The following PRSS23 variants were observed in gnomAD, a reference collection of about 807,000 sequenced individuals.
PRSS23 encodes protease, serine 23.
In PRSS23, 25 loss-of-function variants were observed where a neutral mutation model predicts 34.7. That is an observed-to-expected ratio of 0.72 (90% CI 0.53 to 1.01). The LOEUF is 1.01. Among genes scored for constraint, PRSS23 ranks in the 50% least tolerant of loss-of-function variants. The pLI is 0.00. For synonymous variants in PRSS23, 176 were observed against 186.6 expected, an observed-to-expected ratio of 0.94 and a Z score of 0.46; for missense variants, 445 against 475.6, an observed-to-expected ratio of 0.94 and a Z score of 0.60.
At chr11:86,799,282 T>A (rs1459951942), upstream of PRSS23, among the ~76,000 whole-genome samples, 1 of 152,196 alleles carries the variant, frequency 6.6e-6, no homozygotes, top group Non-Finnish European at 1.5e-5. Flanking sequence ...CAATAATGTG[T>A]TCAGGGCTTT....
intron 2 of PRSS23, among the ~76,000 whole-genome samples, chr11:86,860,913 C>T (rs1450339542): frequency 6.6e-6 from 1 of 151,044 alleles, no homozygotes; most frequent in Admixed American, 6.6e-5. Context: ...TGATATTGTT[C>T]TTAATATCCG....
At chr11:86,913,238 T>G (rs979879163) in intron 2 of PRSS23, among the ~76,000 whole-genome samples, 1 of 147,790 alleles carries the variant, frequency 6.8e-6, no homozygotes, top group African/African-American at 2.5e-5. Context: ...GCATTTTAGC[T>G]GCCCTGCTTA....
chr11:86,808,763 A>G lies in PRSS23; in HGVS notation c.1120A>G (p.Lys374Glu). Reference sequence around the variant, plus strand: ...ATATGCCCAGATTTGCTATTGGATTAAAGGAAACTACCTGGATTGTAGGGA... The same window carrying G: ...ATATGCCCAGATTTGCTATTGGATTGAAGGAAACTACCTGGATTGTAGGGA... ...LKYAQICYWIKGNYLDCREG is the reference protein window; with the variant it reads ...LKYAQICYWIEGNYLDCREG Residue 374 changes from lysine (K) to glutamate (E), a missense_variant, in exon 2 of 2, where the codon AAA becomes GAA. Lys to Glu is a moderately conservative substitution (Grantham distance 56, BLOSUM62 1). Transcript: ENST00000280258. The G allele has an allele frequency of 6.2e-7, 1 of 1,613,160 alleles. No individual in the cohort carries two copies. Among genetic ancestry groups the G allele is most frequent in the Non-Finnish European group, 8.5e-7 (1 of 1,179,356 alleles).
intron 2 of PRSS23, among the ~76,000 whole-genome samples, chr11:86,919,532 G>C (rs1322712172): frequency 2.6e-5 from 4 of 152,102 alleles, no homozygotes; most frequent in African/African-American, 9.7e-5. Context: ...TGTAGAGAAG[G>C]CTTACTCCTC....
chr11:86,926,624 T>A (rs1344223676), intron 2 of PRSS23, among the ~76,000 whole-genome samples: 2 of 152,168 alleles, frequency 1.3e-5, no homozygotes, highest in Admixed American at 1.3e-4. Flanking sequence ...GGGGGTATTG[T>A]CTTTTGACCC....
chr11:86,901,308 C>T (rs1948910860), intron 2 of PRSS23, among the ~76,000 whole-genome samples: 1 of 152,054 alleles, frequency 6.6e-6, no homozygotes, highest in South Asian at 2.1e-4. Flanking sequence ...GAACCGAAAA[C>T]AGCTCTTGTC....
At chr11:86,934,428 T>G (rs1949147662) in intron 2 of PRSS23, 1 of 151,974 alleles carries the variant, frequency 6.6e-6, no homozygotes, top group African/African-American at 2.4e-5. Context: ...TCATCATACC[T>G]CCCTCCCTTT....
At chr11:86,943,839 G>C (rs1365004508) in intron 2 of PRSS23, among the ~76,000 whole-genome samples, 1 of 151,648 alleles carries the variant, frequency 6.6e-6, no homozygotes, top group Non-Finnish European at 1.5e-5. Context: ...TGCCTCCCAG[G>C]TTCAAGCGAT....
intron 2 of PRSS23, among the ~76,000 whole-genome samples, chr11:86,829,082 A>G (rs1461863410): frequency 2.0e-5 from 3 of 152,216 alleles, no homozygotes; most frequent in African/African-American, 7.2e-5. Flanking sequence ...AATGACCTGC[A>G]GAGTATTTTC....
chr11:86,926,721 G>C (rs1322031690), intron 2 of PRSS23, among the ~76,000 whole-genome samples: 3 of 152,132 alleles, frequency 2.0e-5, no homozygotes, highest in African/African-American at 7.2e-5. Flanking sequence ...CCTGGATTTT[G>C]GTTCATGAAT....
chr11:86,915,475 T>C (rs1185601382), intron 2 of PRSS23, among the ~76,000 whole-genome samples: 1 of 151,144 alleles, frequency 6.6e-6, no homozygotes, highest in Non-Finnish European at 1.5e-5. Flanking sequence ...AATGAGATAA[T>C]GTAAGAAAAG....
intron 2 of PRSS23, among the ~76,000 whole-genome samples, chr11:86,867,804 G>C (rs976312260): frequency 3.5e-4 from 52 of 150,316 alleles, no homozygotes; most frequent in African/African-American, 1.2e-3. Flanking sequence ...TTGAGCCCAG[G>C]AGGCTAAGGC....
Position 86,807,661 on chromosome 11 carries a change from G to A in PRSS23, c.18G>A (p.Gly6=), listed in dbSNP as rs148849426. 712 of 1,611,058 alleles carry A rather than the reference G, an allele frequency of 4.4e-4. No homozygotes were observed. The highest frequency in any genetic ancestry group is 4.6e-4 in the Non-Finnish European group (543 of 1,178,134). The change falls in exon 2 of 2, where the codon GGG becomes GGA. Residue 6 remains glycine (G), a synonymous_variant. Coordinates refer to ENST00000280258, the MANE Select transcript of PRSS23 (RefSeq NM_007173.6). ...TGCTCGGCATGGCAGGGATTCCAGG[G>A]CTCCTCTTCCTTCTCTTCTTTCTGC... MAGIP[G]LLFLLFFLLC...
intron 2 of PRSS23, among the ~76,000 whole-genome samples, chr11:86,851,912 T>TC (rs895965264): frequency 5.9e-5 from 9 of 151,998 alleles, no homozygotes; most frequent in African/African-American, 1.7e-4. Context: ...CAACCATTGG[T>TC]GGGGGGGAAG....
intron 2 of PRSS23, among the ~76,000 whole-genome samples, chr11:86,882,167 G>C (rs562177839): frequency 6.6e-6 from 1 of 151,954 alleles, no homozygotes; most frequent in Non-Finnish European, 1.5e-5. Flanking sequence ...TCTTTTTCTA[G>C]TTTCTTAAAG....
intron 2 of PRSS23, chr11:86,911,315 C>G (rs927418798): frequency 1.3e-5 from 2 of 151,994 alleles, no homozygotes; most frequent in African/African-American, 2.4e-5. Flanking sequence ...TTTTAATTTA[C>G]TTTTTATTAT....
exon 3 of PRSS23, chr11:86,952,383 T>C: frequency 1.2e-6 from 2 of 1,614,210 alleles, no homozygotes; most frequent in Non-Finnish European, 1.7e-6. Context: ...CAGCGTCTCT[T>C]GACTGAAAGA....
intron 2 of PRSS23, among the ~76,000 whole-genome samples, chr11:86,860,920 T>A (rs1948608589): frequency 6.6e-6 from 1 of 151,768 alleles, no homozygotes; most frequent in South Asian, 2.1e-4. Flanking sequence ...GTTCTTAATA[T>A]CCGTGGGGTG....
intron 2 of PRSS23, among the ~76,000 whole-genome samples, chr11:86,856,594 T>G (rs1252892422): frequency 6.6e-6 from 1 of 152,216 alleles, no homozygotes; most frequent in Non-Finnish European, 1.5e-5. Context: ...GAAAGTCTCT[T>G]GGAAACTGCA....
Sources: allele counts gnomAD v4.1 joint callset (sites outside exome capture counted in the v4.1 genomes callset), GRCh38; gene constraint gnomAD v4.1.1; transcripts MANE v1.5; gene names NCBI Gene and HGNC (gene_info 2026-07-23, HGNC 2026-07-21).